SNIP1: variants seen among roughly 807,000 people sequenced by gnomAD.
SNIP1 encodes Smad nuclear interacting protein 1.
SNIP1 carries 23 observed loss-of-function variants against 37.4 expected under a neutral mutation model. The observed-to-expected ratio is 0.61, with a 90% confidence interval of 0.44 to 0.87. The LOEUF (loss-of-function observed/expected upper bound fraction) is 0.87. SNIP1 is among the 40% of genes least tolerant of loss of function. SNIP1 has a pLI of 0.00. For synonymous variants in SNIP1, 174 were observed against 200.0 expected (o/e 0.87, Z 1.10); for missense variants, 459 against 540.4 (o/e 0.85, Z 1.49).
At chr1:37,538,803 C>T (rs1182644821) in intron 3 of SNIP1, among the ~76,000 whole-genome samples, 3 of 152,046 alleles carry the variant, frequency 2.0e-5, no homozygotes, top group Admixed American at 6.6e-5. Context: ...TGGACTGGTA[C>T]CAGTCCGTGG....
rs1392751876 is a variant in SNIP1 at position 37,544,319 on chromosome 1, GC to G, written c.328-3565del. Among the ~76,000 whole-genome samples the G allele has an allele frequency of 4.0e-5, 6 of 151,178 alleles. No homozygotes were observed. In the East Asian group the frequency reaches 9.8e-4, roughly 25 times the overall value. On this transcript the variant is annotated intron_variant, in intron 2 of 3. Coordinates refer to ENST00000296215, the MANE Select transcript of SNIP1 (RefSeq NM_024700.4). ...AAATTAGAAGGGCGCGGTGGCAGGCGCCTGTAATCCCAGCTACTTGGGAGGC... is the reference window on the plus strand; with the variant it reads ...AAATTAGAAGGGCGCGGTGGCAGGCGCTGTAATCCCAGCTACTTGGGAGGC...
chr1:37,537,597 C>G lies in SNIP1; in HGVS notation c.*151G>C, dbSNP rs1367580895. The G allele has an allele frequency of 1.2e-6, 1 of 830,478 alleles. No homozygotes were observed. The highest frequency in any genetic ancestry group is 1.7e-5 in the African/African-American group (1 of 58,820). The allele number at this position is 830,478 out of a possible 1,614,324, so 51.4% of individuals were successfully genotyped here. The stretch of plus-strand genomic sequence containing the variant: ...TAGTCAGTGTATTCAAATGGTAACA[C>G]AATCTGGTCAGCAACAGAGGAAAGA... On this transcript the variant is annotated 3_prime_UTR_variant, in exon 4 of 4. Coordinates refer to ENST00000296215, the MANE Select transcript of SNIP1 (RefSeq NM_024700.4).
intron 2 of SNIP1, among the ~76,000 whole-genome samples, chr1:37,551,074 G>GACACACACACACACACAC (rs55724495): frequency 3.1e-4 from 45 of 144,006 alleles, no homozygotes; most frequent in Non-Finnish European, 4.2e-4. Flanking sequence ...CAGCCTGGGT[G>GACACACACACACACACAC]ACACACACAC....
Position 37,535,674 on chromosome 1 carries a change from G to A in SNIP1, c.*2074C>T, listed in dbSNP as rs1158098187. 1 of 152,088 alleles carries A rather than the reference G, an allele frequency of 6.6e-6. No individual in the cohort carries two copies. The highest frequency in any genetic ancestry group is 2.4e-5 in the African/African-American group (1 of 41,394). 9.4% of individuals were successfully genotyped at this position (152,088 alleles called of 1,614,324 possible). A position where few individuals can be genotyped will look rare whatever the true frequency, so the allele number is the denominator to read the frequency against. On this transcript the variant is annotated 3_prime_UTR_variant, in exon 4 of 4. Transcript: ENST00000296215. Reference sequence around the variant, plus strand: ...GTGCTTAAACCCTCAAGAGAAAACCGTCAGTCTGGATCAAGAGAAAAGTTC... The same window carrying A: ...GTGCTTAAACCCTCAAGAGAAAACCATCAGTCTGGATCAAGAGAAAAGTTC...
rs541338509 is a variant in SNIP1 at position 37,546,601 on chromosome 1, G to C, written c.328-5846C>G. Among the ~76,000 whole-genome samples the C allele has an allele frequency of 2.6e-4, 40 of 152,264 alleles. 2 individuals carry two copies. In the South Asian group the frequency reaches 6.4e-3, roughly 24 times the overall value. ...GGGCAGAAGAATCACTTGAACGCCA[G>C]AAGTGGAGGTTGCAGTGAGCCAAGA... On this transcript the variant is annotated intron_variant, in intron 2 of 3. Coordinates refer to ENST00000296215, the MANE Select transcript of SNIP1 (RefSeq NM_024700.4).
At position 37,537,647 on chromosome 1, in the gene SNIP1, G is replaced by C. The variant is rs142861495; in HGVS notation, c.*101C>G. ...ACTTAAGGCAGTAAGAGGCATTACA[G>C]AGAGCACCATAGTGCTGGACCCACC... On this transcript the variant is annotated 3_prime_UTR_variant, in exon 4 of 4. Coordinates refer to ENST00000296215, the MANE Select transcript of SNIP1 (RefSeq NM_024700.4). 7.9e-7 allele frequency: 1 copy of C among 1,273,734 alleles called. No homozygotes were observed. The highest frequency in any genetic ancestry group is 1.1e-6 in the Non-Finnish European group (1 of 912,552). 78.9% of individuals were successfully genotyped at this position (1,273,734 alleles called of 1,614,324 possible).
chr1:37,543,739 T>TAA (rs368068801), intron 2 of SNIP1, among the ~76,000 whole-genome samples: 6 of 114,854 alleles, frequency 5.2e-5, no homozygotes, highest in African/African-American at 1.6e-4. Context: ...CAAAGGGGGG[T>TAA]AAAAAAAAAA....
chr1:37,554,151 C>A lies in SNIP1; in HGVS notation c.79G>T (p.Val27Leu). 6.2e-7 allele frequency: 1 copy of A among 1,612,630 alleles called. No homozygotes were observed. The highest frequency in any genetic ancestry group is 8.5e-7 in the Non-Finnish European group (1 of 1,179,300). ...CTGAGACGCTCCTGCTTCACCACCACCCCCGCCGGCAGCACCACGTCCCCG... is the reference window on the plus strand; with the variant it reads ...CTGAGACGCTCCTGCTTCACCACCAACCCCGCCGGCAGCACCACGTCCCCG... ...RDGDVVLPAG[V>L]VVKQERLSPE... The change falls in exon 1 of 4, where the codon GTG becomes TTG. Residue 27 changes from valine to leucine, a missense_variant. By Grantham distance (32) the Val-to-Leu change is conservative. Transcript: ENST00000296215.
At chr1:37,545,186 T>C in intron 2 of SNIP1, 1 of 698,980 alleles carries the variant, frequency 1.4e-6, no homozygotes, top group Non-Finnish European at 2.7e-6. Flanking sequence ...GGGAAATCCA[T>C]CAAGAATTGG....
chr1:37,539,922 T>C (rs1009674739), intron 3 of SNIP1, among the ~76,000 whole-genome samples: 31 of 152,140 alleles, frequency 2.0e-4, no homozygotes, highest in Non-Finnish European at 3.4e-4. Context: ...CACTGCACTC[T>C]AGACTGGGTG....
chr1:37,537,512 C>T lies in SNIP1; in HGVS notation c.*236G>A, dbSNP rs541651314. The T allele has an allele frequency of 3.0e-5, 15 of 502,798 alleles. No individual in the cohort carries two copies. The South Asian group carries it at 4.4e-4, about 15-fold the overall frequency. The allele number at this position is 502,798 out of a possible 1,614,324, so 31.1% of individuals were successfully genotyped here. ...GTGTGTTGTAATTGGTGAGACTGTT[C>T]TGAAAACAAATGCCTGCAGGCATGT... is the stretch of plus-strand genomic sequence containing the variant. On this transcript the variant is annotated 3_prime_UTR_variant, in exon 4 of 4. Transcript: ENST00000296215.
chr1:37,546,912 C>T (rs1432437623), intron 2 of SNIP1, among the ~76,000 whole-genome samples: 1 of 152,202 alleles, frequency 6.6e-6, no homozygotes, highest in African/African-American at 2.4e-5. Context: ...ATCCTCAACA[C>T]ACTTCCTTCT....
At position 37,536,306 on chromosome 1, in the gene SNIP1, A is replaced by T. The variant is rs191327035; in HGVS notation, c.*1442T>A. On this transcript the variant is annotated 3_prime_UTR_variant, in exon 4 of 4. Coordinates refer to ENST00000296215, the MANE Select transcript of SNIP1 (RefSeq NM_024700.4). ...TCCTAAGTCTCAACCCAAGAGGAACAATTAGTAGTAACACTGATTGAGCTG... is the reference window on the plus strand; with the variant it reads ...TCCTAAGTCTCAACCCAAGAGGAACTATTAGTAGTAACACTGATTGAGCTG... 1 of 152,346 alleles carries T rather than the reference A, an allele frequency of 6.6e-6. No individual in the cohort carries two copies. Among genetic ancestry groups the T allele is most frequent in the African/African-American group, 2.4e-5 (1 of 41,574 alleles). 9.4% of individuals were successfully genotyped at this position (152,346 alleles called of 1,614,324 possible). A position where few individuals can be genotyped will look rare whatever the true frequency, so the allele number is the denominator to read the frequency against.
At chr1:37,548,488 G>A (rs1484717186) in intron 2 of SNIP1, among the ~76,000 whole-genome samples, 2 of 151,424 alleles carry the variant, frequency 1.3e-5, no homozygotes, top group Non-Finnish European at 2.9e-5. Flanking sequence ...GCTAATTTTT[G>A]TATTTTTAGT....
rs775783956 is a variant in SNIP1 at position 37,537,651 on chromosome 1, G to GCACCATAGTGCTGGACCCAC, written c.*77_*96dup. On this transcript the variant is annotated 3_prime_UTR_variant, in exon 4 of 4. Transcript: ENST00000296215. ...AAGGCAGTAAGAGGCATTACAGAGA[G>GCACCATAGTGCTGGACCCAC]CACCATAGTGCTGGACCCACCACCA... 3.1e-6 allele frequency: 4 copies of GCACCATAGTGCTGGACCCAC among 1,309,730 alleles called. No individual in the cohort carries two copies. The highest frequency in any genetic ancestry group is 1.9e-4 in the Middle Eastern group (1 of 5,150). 81.1% of individuals were successfully genotyped at this position (1,309,730 alleles called of 1,614,324 possible).
In SNIP1 at chr1:37,537,645, CAG is replaced by C; in HGVS notation, c.*101_*102del. 7.9e-7 allele frequency: 1 copy of C among 1,264,310 alleles called. No individual in the cohort carries two copies. The highest frequency in any genetic ancestry group is 1.1e-6 in the Non-Finnish European group (1 of 904,160). The allele number at this position is 1,264,310 out of a possible 1,614,324, so 78.3% of individuals were successfully genotyped here. The stretch of plus-strand genomic sequence containing the variant: ...AGACTTAAGGCAGTAAGAGGCATTA[CAG>C]AGAGCACCATAGTGCTGGACCCACC... On this transcript the variant is annotated 3_prime_UTR_variant, in exon 4 of 4. Transcript: ENST00000296215.
At position 37,539,667 on chromosome 1, in the gene SNIP1, G is replaced by A. The variant is rs189786877; in HGVS notation, c.926+490C>T. 1.9e-4 allele frequency among the ~76,000 whole-genome samples: 29 copies of A among 152,310 alleles called. No homozygotes were observed. In the East Asian group the frequency reaches 4.4e-3, roughly 23 times the overall value. On this transcript the variant is annotated intron_variant, in intron 3 of 3. Transcript: ENST00000296215. ...AGAGGTTGCAGTGAGTTGAGATCGC[G>A]CCACTGCACTCCAGCCTGGGCACAG...
intron 2 of SNIP1, among the ~76,000 whole-genome samples, chr1:37,552,132 TAC>T (rs767031409): frequency 6.6e-6 from 1 of 152,198 alleles, no homozygotes; most frequent in African/African-American, 2.4e-5. Flanking sequence ...AAAGGTTACA[TAC>T]TGTATGATTC....
intron 2 of SNIP1, among the ~76,000 whole-genome samples, chr1:37,547,114 C>T (rs377127039): frequency 7.2e-5 from 11 of 152,276 alleles, no homozygotes; most frequent in African/African-American, 2.4e-4. Context: ...GCAGGTGAGT[C>T]TCAAATGTTT....
Sources: allele counts gnomAD v4.1 joint callset (sites outside exome capture counted in the v4.1 genomes callset), GRCh38; gene constraint gnomAD v4.1.1; transcripts MANE v1.5; gene names NCBI Gene and HGNC (gene_info 2026-07-23, HGNC 2026-07-21).